Variants in TFDP2 observed in about 807,000 individuals in gnomAD.
TFDP2 encodes transcription factor Dp-2 (E2F dimerization partner 2).
A neutral mutation model predicts 59.3 loss-of-function variants in TFDP2; 17 were observed. That is an observed-to-expected ratio of 0.29 (90% CI 0.20 to 0.43). The LOEUF is 0.43. Ranked by LOEUF, TFDP2 falls within the 20% of genes least tolerant of loss-of-function variation. TFDP2 has a pLI of 1.00. For synonymous variants in TFDP2, 180 were observed against 194.7 expected (o/e 0.92, Z 0.63); for missense variants, 391 against 528.8 (o/e 0.74, Z 2.56).
intron 8 of TFDP2, 76 bp from the exon 9 acceptor site, chr3:141,970,217 C>A (rs934240091): frequency 7.9e-6 from 11 of 1,390,454 alleles, no homozygotes; most frequent in Non-Finnish European, 1.1e-5. Context: ...GGTCCCTATT[C>A]TGAGATAACA....
chr3:142,070,091 G>C (rs929196949), intron 3 of TFDP2, among the ~76,000 whole-genome samples: 40 of 150,808 alleles, frequency 2.7e-4, no homozygotes, highest in African/African-American at 8.5e-4. Flanking sequence ...ATTTTTAGTA[G>C]AGACAGGGTT....
At chr3:142,006,789 CT>C (rs34909530) in intron 3 of TFDP2, among the ~76,000 whole-genome samples, 1 of 150,534 alleles carries the variant, frequency 6.6e-6, no homozygotes, top group Non-Finnish European at 1.5e-5. Context: ...TTTTCTTTTT[CT>C]TTTTTTTTGA....
chr3:142,124,953 T>C (rs1406368210), intron 1 of TFDP2, among the ~76,000 whole-genome samples: 1 of 152,132 alleles, frequency 6.6e-6, no homozygotes, highest in Non-Finnish European at 1.5e-5. Flanking sequence ...TCCAGTGCTC[T>C]GGGACGCCAA....
intron 6 of TFDP2, among the ~76,000 whole-genome samples, chr3:141,982,660 G>A (rs1404165987): frequency 6.6e-6 from 1 of 151,936 alleles, no homozygotes; most frequent in Non-Finnish European, 1.5e-5. Context: ...AGTCATACCT[G>A]GATAATATTT....
intron 10 of TFDP2, among the ~76,000 whole-genome samples, chr3:141,962,690 T>A (rs182331671): frequency 1.3e-5 from 2 of 152,136 alleles, no homozygotes; most frequent in Admixed American, 1.3e-4. Context: ...GCCTTCTTAG[T>A]GGAGTGGCCC....
At position 142,141,694 on chromosome 3, in the gene TFDP2, A is replaced by T. The variant is rs571780716; in HGVS notation, c.-93+7489T>A. Among the ~76,000 whole-genome samples the T allele has an allele frequency of 3.9e-5, 6 of 151,982 alleles. No individual in the cohort carries two copies. In the East Asian group the frequency reaches 1.2e-3, roughly 30 times the overall value. ...AAATATTAGCCAGGCATGGTGGCAC[A>T]TACCTGTTATCCCAGCTACTTGGGA... On this transcript the variant is annotated intron_variant, in intron 1 of 12. Coordinates refer to ENST00000489671, the MANE Select transcript of TFDP2 (RefSeq NM_001178139.2).
At chr3:142,103,178 T>C (rs1239977699) in intron 1 of TFDP2, among the ~76,000 whole-genome samples, 1 of 151,686 alleles carries the variant, frequency 6.6e-6, no homozygotes, top group Non-Finnish European at 1.5e-5. Context: ...GTGGAGGTTG[T>C]AGTGAGCCGA....
At chr3:142,078,037 C>T (rs978760397) in intron 3 of TFDP2, among the ~76,000 whole-genome samples, 3 of 152,128 alleles carry the variant, frequency 2.0e-5, no homozygotes, top group African/African-American at 4.8e-5. Flanking sequence ...CTGGAAGTGG[C>T]CTCTCAGTAC....
At chr3:142,061,905 C>CT (rs1188888690) in intron 3 of TFDP2, among the ~76,000 whole-genome samples, 4,068 of 138,300 alleles carry the variant, frequency 0.029, 194 homozygotes, top group African/African-American at 0.11. Context: ...CACACACACA[C>CT]ACACACACAC....
chr3:141,973,957 A>G, intron 8 of TFDP2, 91 bp downstream of exon 8: 2 of 1,419,906 alleles, frequency 1.4e-6, no homozygotes, highest in Non-Finnish European at 1.9e-6. Flanking sequence ...AAAATTGGAA[A>G]TATTTTATAT....
intron 3 of TFDP2, among the ~76,000 whole-genome samples, chr3:142,006,207 C>T (rs968053193): frequency 6.6e-6 from 1 of 152,124 alleles, no homozygotes; most frequent in Non-Finnish European, 1.5e-5. Flanking sequence ...GAAAAGCCAA[C>T]CTATTATTTT....
At chr3:142,040,457 C>T (rs1404592821) in intron 3 of TFDP2, among the ~76,000 whole-genome samples, 1 of 151,268 alleles carries the variant, frequency 6.6e-6, no homozygotes, top group African/African-American at 2.4e-5. Context: ...GACGGAGTCT[C>T]GCTCTTGTTA....
chr3:142,051,906 G>A (rs1269359291), intron 3 of TFDP2, among the ~76,000 whole-genome samples: 2 of 151,880 alleles, frequency 1.3e-5, no homozygotes, highest in Admixed American at 6.6e-5. Context: ...CGGGAGGATT[G>A]CTTGAGCCCA....
chr3:141,995,943 T>A (rs559368110), intron 4 of TFDP2, among the ~76,000 whole-genome samples: 8 of 151,120 alleles, frequency 5.3e-5, no homozygotes, highest in Admixed American at 5.3e-4. Flanking sequence ...TTGAAGATAG[T>A]TTAAAGACCA....
At chr3:142,056,778 CCAATATCCATGTATGA>C (rs1424377028) in intron 3 of TFDP2, among the ~76,000 whole-genome samples, 1 of 152,130 alleles carries the variant, frequency 6.6e-6, no homozygotes, top group African/African-American at 2.4e-5. Flanking sequence ...TAAGCTCTTG[CCAATATCCATGTATGA>C]ATATGTGAGC....
intron 3 of TFDP2, among the ~76,000 whole-genome samples, chr3:142,035,714 G>A (rs1422015014): frequency 6.6e-6 from 1 of 152,152 alleles, no homozygotes; most frequent in Non-Finnish European, 1.5e-5. Flanking sequence ...TGCTGTTCTT[G>A]TAATGGTAAG....
intron 6 of TFDP2, 26 bp downstream of exon 6, chr3:141,993,512 A>G (rs774849916): frequency 4.6e-6 from 7 of 1,518,262 alleles, no homozygotes; most frequent in Non-Finnish European, 6.3e-6. Flanking sequence ...AAATCTTCCA[A>G]ACAAAATAGT....
intron 3 of TFDP2, among the ~76,000 whole-genome samples, chr3:142,070,431 C>T (rs1318972204): frequency 6.6e-6 from 1 of 152,160 alleles, no homozygotes; most frequent in Admixed American, 6.6e-5. Context: ...ATGCATGCCA[C>T]CAAGCCTGGC....
intron 1 of TFDP2, among the ~76,000 whole-genome samples, chr3:142,130,224 A>G (rs2062443510): frequency 6.6e-6 from 1 of 152,152 alleles, no homozygotes; most frequent in South Asian, 2.1e-4. Context: ...TAAATGGATC[A>G]TCAAAATGTA....
Sources: allele counts gnomAD v4.1 joint callset (sites outside exome capture counted in the v4.1 genomes callset), GRCh38; gene constraint gnomAD v4.1.1; transcripts MANE v1.5; gene names NCBI Gene and HGNC (gene_info 2026-07-23, HGNC 2026-07-21).